CEP128: variants seen among roughly 807,000 people sequenced by gnomAD.
CEP128 encodes the protein centrosomal protein 128kDa.
A neutral mutation model predicts 156.7 loss-of-function variants in CEP128; 132 were observed. The observed-to-expected ratio is 0.84, with a 90% CI of 0.73 to 0.97. CEP128 has a LOEUF of 0.97. Among genes scored for constraint, CEP128 ranks in the 50% least tolerant of loss-of-function variants. CEP128 has a pLI of 0.00. For missense variants in CEP128, 1,252 were observed against 1,281.9 expected (o/e 0.98, Z 0.36); for synonymous variants, 469 against 448.9 (o/e 1.04, Z -0.57).
At chr14:80,735,482 G>A (rs1423154504) in intron 19 of CEP128, among the ~76,000 whole-genome samples, 2 of 152,158 alleles carry the variant, frequency 1.3e-5, no homozygotes, top group Non-Finnish European at 2.9e-5. Flanking sequence ...ACTGATAAGT[G>A]TCCAAAAGTG....
intron 13 of CEP128, among the ~76,000 whole-genome samples, chr14:80,800,646 T>G (rs1883787598): frequency 6.6e-6 from 1 of 152,202 alleles, no homozygotes; most frequent in Admixed American, 6.5e-5. Flanking sequence ...ACGATCTTGA[T>G]GCAGAGGTGT....
At chr14:80,565,426 G>A (rs1347869821) in intron 20 of CEP128, among the ~76,000 whole-genome samples, 1 of 152,144 alleles carries the variant, frequency 6.6e-6, no homozygotes, top group Non-Finnish European at 1.5e-5. Flanking sequence ...GTCCCCGAAT[G>A]CTTGGGGAGA....
chr14:80,930,917 T>C (rs1885422380), intron 2 of CEP128, among the ~76,000 whole-genome samples: 2 of 152,196 alleles, frequency 1.3e-5, no homozygotes, highest in South Asian at 4.1e-4. Flanking sequence ...TTAGGAGAGG[T>C]TGCAGTTCAA....
intron 19 of CEP128, among the ~76,000 whole-genome samples, chr14:80,643,922 A>G (rs894085194): frequency 2.0e-5 from 3 of 152,230 alleles, no homozygotes; most frequent in African/African-American, 4.8e-5. Flanking sequence ...ATTTGGAGAT[A>G]GCGTGAGTCA....
chr14:80,784,640 C>A (rs544405593), intron 15 of CEP128, among the ~76,000 whole-genome samples: 1 of 152,270 alleles, frequency 6.6e-6, no homozygotes, highest in African/African-American at 2.4e-5. Context: ...GCCACCTCTG[C>A]CTTTCCTGAA....
intron 13 of CEP128, among the ~76,000 whole-genome samples, chr14:80,814,973 G>A (rs1428315337): frequency 6.6e-6 from 1 of 152,316 alleles, no homozygotes; most frequent in East Asian, 1.9e-4. Context: ...CAGGAGAATT[G>A]CTTGAACCTG....
intron 9 of CEP128, among the ~76,000 whole-genome samples, chr14:80,859,575 A>G (rs1466982005): frequency 6.6e-6 from 1 of 152,068 alleles, no homozygotes; most frequent in Admixed American, 6.6e-5. Context: ...TTTTTAAAAA[A>G]AAGAAAGAAA....
chr14:80,553,802 T>C (rs1223880749), intron 21 of CEP128, among the ~76,000 whole-genome samples: 2 of 152,242 alleles, frequency 1.3e-5, no homozygotes, highest in Non-Finnish European at 2.9e-5. Flanking sequence ...CTGTATTTTT[T>C]CATAATTTAA....
chr14:80,836,223 C>T lies in CEP128; in HGVS notation c.1039G>A (p.Asp347Asn). 1 of 1,613,986 alleles carries T rather than the reference C, an allele frequency of 6.2e-7. No individual in the cohort carries two copies. The highest frequency in any genetic ancestry group is 1.1e-5 in the South Asian group (1 of 91,068). The change falls in exon 12 of 25, where the codon GAC becomes AAC. Residue 347 changes from aspartate to asparagine, a missense_variant. Physicochemically the swap from Asp to Asn is conservative, Grantham distance 23. Transcript: ENST00000555265. ...QSNYQDEQGE[D>N]WRFRRGVERE... ...CTTTTACCTCTCCTAAATCTCCAGT[C>T]CTCCCCTTGTTCATCCTGATAGTTT...
At chr14:80,934,589 T>A (rs1332219086) in intron 2 of CEP128, among the ~76,000 whole-genome samples, 1 of 152,212 alleles carries the variant, frequency 6.6e-6, no homozygotes, top group African/African-American at 2.4e-5. Context: ...TACTAGCTCT[T>A]GTTCATCTAT....
intron 23 of CEP128, among the ~76,000 whole-genome samples, chr14:80,515,129 G>A (rs1888430060): frequency 6.6e-6 from 1 of 152,164 alleles, no homozygotes; most frequent in Non-Finnish European, 1.5e-5. Context: ...TGAGGGAGAG[G>A]TGATAGAAAC....
chr14:80,488,411 T>C (rs569164835), downstream of CEP128, among the ~76,000 whole-genome samples: 13 of 150,810 alleles, frequency 8.6e-5, no homozygotes, highest in African/African-American at 2.7e-4. Flanking sequence ...CATCAGAGAA[T>C]TGCAAATCAA....
At position 80,571,717 on chromosome 14, in the gene CEP128, T is replaced by C. The variant is rs186300631; in HGVS notation, c.2856+8657A>G. Among the ~76,000 whole-genome samples the C allele has an allele frequency of 2.8e-3, 420 of 152,180 alleles. 2 individuals are homozygous for C. The highest frequency in any genetic ancestry group is 9.2e-3 in the African/African-American group (381 of 41,514). On this transcript the variant is annotated intron_variant, in intron 20 of 24. Coordinates refer to ENST00000555265, the MANE Select transcript of CEP128 (RefSeq NM_152446.5). ...TTTTTTTGCCAGAATTATTTTGAAC[T>C]TGGTTGAAAACTGAAATTGACGAAG... is the stretch of plus-strand genomic sequence containing the variant.
At chr14:80,618,279 C>G (rs1893314132) in intron 19 of CEP128, among the ~76,000 whole-genome samples, 1 of 152,012 alleles carries the variant, frequency 6.6e-6, no homozygotes, top group African/African-American at 2.4e-5. Context: ...AACAAACAAT[C>G]TATTATAACA....
chr14:80,618,379 C>G (rs1893318933), intron 19 of CEP128, among the ~76,000 whole-genome samples: 1 of 152,206 alleles, frequency 6.6e-6, no homozygotes, highest in African/African-American at 2.4e-5. Context: ...AAGATAATAT[C>G]AACACACAAC....
intron 2 of CEP128, among the ~76,000 whole-genome samples, chr14:80,953,441 C>G (rs988019270): frequency 6.6e-6 from 1 of 152,036 alleles, no homozygotes; most frequent in Non-Finnish European, 1.5e-5. Flanking sequence ...AAAAATTAAC[C>G]GGGCGTGGTG....
At chr14:80,948,058 G>A (rs548874946) in intron 2 of CEP128, among the ~76,000 whole-genome samples, 4 of 142,432 alleles carry the variant, frequency 2.8e-5, no homozygotes, top group Non-Finnish European at 6.0e-5. Flanking sequence ...CACCAAGTAT[G>A]ATGTTATAGG....
chr14:80,923,104 T>A (rs1184768348), intron 2 of CEP128, among the ~76,000 whole-genome samples: 1 of 152,252 alleles, frequency 6.6e-6, no homozygotes, highest in Non-Finnish European at 1.5e-5. Context: ...CTGGGTCTGA[T>A]ATCACAATTC....
At chr14:80,574,735 T>C (rs1160119691) in intron 20 of CEP128, among the ~76,000 whole-genome samples, 1 of 152,194 alleles carries the variant, frequency 6.6e-6, no homozygotes, top group Non-Finnish European at 1.5e-5. Context: ...CATAGGCTAC[T>C]CCATAAGTAG....
Sources: gnomAD v4.1 joint callset for allele counts (sites outside exome capture counted in the v4.1 genomes callset) on GRCh38, gnomAD v4.1.1 for gene constraint, MANE v1.5 for transcripts, NCBI Gene and HGNC (gene_info 2026-07-23, HGNC 2026-07-21) for gene names.